ARPC4: variants seen among roughly 807,000 people sequenced by gnomAD.
The protein encoded by ARPC4 is actin related protein 2/3 complex subunit 4.
In ARPC4, 3 loss-of-function variants were observed where a neutral mutation model predicts 22.8. That is an observed-to-expected ratio of 0.13 (90% CI 0.06 to 0.34). The LOEUF (loss-of-function observed/expected upper bound fraction) is 0.34, where lower values mean the gene tolerates loss of function less well. Ranked by LOEUF, ARPC4 falls within the 10% of genes least tolerant of loss-of-function variation. ARPC4 has a pLI of 1.00. For missense variants in ARPC4, 98 were observed against 211.0 expected, an observed-to-expected ratio of 0.46 and a Z score of 3.32; for synonymous variants, 80 against 72.5, an observed-to-expected ratio of 1.10 and a Z score of -0.52.
intron 2 of ARPC4, among the ~76,000 whole-genome samples, chr3:9,798,431 T>C (rs1364066296): frequency 6.6e-6 from 1 of 151,914 alleles, no homozygotes; most frequent in East Asian, 1.9e-4. Flanking sequence ...CAAAAAAATA[T>C]GCAAAAATAG....
At chr3:9,795,102 T>C (rs190607298) in intron 1 of ARPC4, among the ~76,000 whole-genome samples, 32 of 152,032 alleles carry the variant, frequency 2.1e-4, no homozygotes, top group African/African-American at 7.2e-4. Context: ...GTCTCCTGGG[T>C]TCAAGCAATT....
At position 9,800,166 on chromosome 3, in the gene ARPC4, T is replaced by C. The variant is rs1459983289; in HGVS notation, c.123-19T>C. On this transcript the variant is annotated intron_variant, in intron 2 of 5. Coordinates refer to ENST00000397261, the MANE Select transcript of ARPC4 (RefSeq NM_005718.5). ...CTATCCCTCTGTAGTACAAGTACTCTGTCACATTATGTTTTCAGGAGTAGC... is the reference window on the plus strand; with the variant it reads ...CTATCCCTCTGTAGTACAAGTACTCCGTCACATTATGTTTTCAGGAGTAGC... 1 of 1,613,302 alleles carries C rather than the reference T, an allele frequency of 6.2e-7. No individual in the cohort carries two copies. The highest frequency in any genetic ancestry group is 2.2e-5 in the East Asian group (1 of 44,874).
Position 9,800,212 on chromosome 3 carries a change from T to C in ARPC4, c.150T>C (p.Pro50=). 6.2e-7 allele frequency: 1 copy of C among 1,614,144 alleles called. No individual in the cohort carries two copies. The highest frequency in any genetic ancestry group is 8.5e-7 in the Non-Finnish European group (1 of 1,180,012). The change falls in exon 3 of 6, where the codon CCT becomes CCC. Residue 50 remains proline, a synonymous_variant. Coordinates refer to ENST00000397261, the MANE Select transcript of ARPC4 (RefSeq NM_005718.5). ...GTAGCAAAGAGCTCCTGTTACAACC[T>C]GTGACCATCAGCAGGAATGAGAAGG... is the stretch of plus-strand genomic sequence containing the variant. The part of the protein sequence containing the change: ...VRSSKELLLQ[P]VTISRNEKEK...
upstream of ARPC4, chr3:9,792,989 A>ACC: frequency 6.8e-7 from 1 of 1,466,668 alleles, no homozygotes; most frequent in African/African-American, 1.4e-5. Flanking sequence ...AGGGCTCTCT[A>ACC]CCCCGCTCGG....
intron 1 of ARPC4, among the ~76,000 whole-genome samples, chr3:9,796,684 G>A (rs113736310): frequency 4.0e-4 from 61 of 152,292 alleles, no homozygotes; most frequent in African/African-American, 1.4e-3. Flanking sequence ...GCTCACGCCT[G>A]TAAACCCAGC....
intron 2 of ARPC4, among the ~76,000 whole-genome samples, chr3:9,798,472 A>G (rs1167701014): frequency 6.6e-6 from 1 of 152,014 alleles, no homozygotes. Flanking sequence ...CTGTAGTCCC[A>G]CTTCTCTGGA....
Position 9,800,044 on chromosome 3 carries a change from C to A in ARPC4, c.123-141C>A, listed in dbSNP as rs765105476. 7.6e-6 allele frequency: 6 copies of A among 793,914 alleles called. No individual in the cohort carries two copies. In the Admixed American group the frequency reaches 1.3e-4, roughly 17 times the overall value. 49.2% of individuals were successfully genotyped at this position (793,914 alleles called of 1,614,324 possible). A position where few individuals can be genotyped will look rare whatever the true frequency, so the allele number is the denominator to read the frequency against. On this transcript the variant is annotated intron_variant, in intron 2 of 5. Transcript: ENST00000397261. ...TCTGCTGAAGAACACACTCACTGGC[C>A]CCCATCTTGGAGCACTCCTGCTTGT... is the stretch of plus-strand genomic sequence containing the variant.
intron 4 of ARPC4, chr3:9,803,404 AC>A (rs1559729870): frequency 2.4e-6 from 1 of 424,940 alleles, no homozygotes; most frequent in African/African-American, 2.0e-5. Flanking sequence ...CCTAGATCTA[AC>A]CTCTGGGGCC....
chr3:9,801,930 C>G (rs1224409296), intron 4 of ARPC4, among the ~76,000 whole-genome samples, 174 bp downstream of exon 4: 5 of 152,062 alleles, frequency 3.3e-5, no homozygotes, highest in African/African-American at 1.2e-4. Context: ...AAAGTTGGGT[C>G]TACCTCAGCC....
intron 5 of ARPC4, among the ~76,000 whole-genome samples, chr3:9,804,710 G>T (rs930131614): frequency 3.3e-5 from 5 of 152,114 alleles, no homozygotes; most frequent in African/African-American, 1.2e-4. Flanking sequence ...GACTTAGTGT[G>T]TACTCCCACC....
intron 1 of ARPC4, among the ~76,000 whole-genome samples, chr3:9,794,271 G>A (rs1291015308): frequency 6.6e-6 from 1 of 152,028 alleles, no homozygotes; most frequent in Non-Finnish European, 1.5e-5. Context: ...AGGCAGAGGC[G>A]GGCGGATCAC....
Position 9,793,169 on chromosome 3 carries a change from C to T in ARPC4, c.3+45C>T, listed in dbSNP as rs957201867. 22 of 1,532,640 alleles carry T rather than the reference C, an allele frequency of 1.4e-5. No homozygotes were observed. The African/African-American group carries it at 1.5e-4, about 11-fold the overall frequency. 94.9% of individuals were successfully genotyped at this position (1,532,640 alleles called of 1,614,324 possible). ...GGCCAGGGACCCCCGGCTGTTCGGCCTCAGGGCAGTGGGTCGGTGGGAGAT... is the reference window on the plus strand; with the variant it reads ...GGCCAGGGACCCCCGGCTGTTCGGCTTCAGGGCAGTGGGTCGGTGGGAGAT... On this transcript the variant is annotated intron_variant, in intron 1 of 5. Coordinates refer to ENST00000397261, the MANE Select transcript of ARPC4 (RefSeq NM_005718.5).
At chr3:9,794,404 C>A (rs1293899294) in intron 1 of ARPC4, among the ~76,000 whole-genome samples, 1 of 152,060 alleles carries the variant, frequency 6.6e-6, no homozygotes, top group African/African-American at 2.4e-5. Context: ...GAGGCTGAGG[C>A]AGGAGAATGG....
intron 4 of ARPC4, 110 bp downstream of exon 4, chr3:9,801,866 T>C (rs1482884063): frequency 1.8e-6 from 2 of 1,116,904 alleles, no homozygotes; most frequent in Non-Finnish European, 2.5e-6. Context: ...ACTGCCTGAA[T>C]TGAGAGTTGG....
chr3:9,793,060 G>A (rs2078783608), upstream of ARPC4: 2 of 1,545,056 alleles, frequency 1.3e-6, no homozygotes, highest in African/African-American at 1.4e-5. Context: ...CTCGCGAAAG[G>A]GCAGGCATCG....
In ARPC4 at chr3:9,806,645, A is replaced by C. The variant is rs1459575671; in HGVS notation, c.*430A>C. The C allele has an allele frequency of 5.4e-6, 1 of 184,232 alleles. No homozygotes were observed. The highest frequency in any genetic ancestry group is 1.1e-5 in the Non-Finnish European group (1 of 90,120). 11.4% of individuals were successfully genotyped at this position (184,232 alleles called of 1,614,324 possible). ...GAAGGCGACTTATTTTTTCTCTCCT[A>C]TGCCACCCCAGGTGGGGAGGGAGGG... On this transcript the variant is annotated 3_prime_UTR_variant, in exon 6 of 6. Coordinates refer to ENST00000397261, the MANE Select transcript of ARPC4 (RefSeq NM_005718.5).
chr3:9,792,527 G>T (rs748478414), upstream of ARPC4: 47 of 1,223,208 alleles, frequency 3.8e-5, no homozygotes, highest in Non-Finnish European at 4.7e-5. Context: ...CAGCGAGGGC[G>T]AGCCTACTGG....
intron 4 of ARPC4, 194 bp from the exon 5 acceptor site, chr3:9,803,649 G>A (rs2079057488): frequency 4.0e-6 from 3 of 754,096 alleles, no homozygotes; most frequent in East Asian, 2.5e-5. Context: ...ACGGGGTTCA[G>A]TTGCTTGGAT....
intron 5 of ARPC4, 41 bp from the exon 6 acceptor site, chr3:9,806,169 A>G: frequency 6.2e-7 from 1 of 1,611,984 alleles, no homozygotes; most frequent in Non-Finnish European, 8.5e-7. Flanking sequence ...ACCAGGATGC[A>G]ATAATAACCA....
Sources: allele counts gnomAD v4.1 joint callset (sites outside exome capture counted in the v4.1 genomes callset), GRCh38; gene constraint gnomAD v4.1.1; transcripts MANE v1.5; gene names NCBI Gene and HGNC (gene_info 2026-07-23, HGNC 2026-07-21).